The following LARS1 variants were observed in gnomAD, a reference collection of about 807,000 sequenced individuals.
LARS1 encodes leucine--tRNA ligase, cytoplasmic.
A neutral mutation model predicts 162.8 loss-of-function variants in LARS1; 100 were observed. That is an observed-to-expected ratio of 0.61 (90% CI 0.52 to 0.73). The LOEUF is 0.73. LARS1 is among the 30% of genes least tolerant of loss of function. The probability of loss-of-function intolerance (pLI) is 0.00; values close to 1 mark genes in which losing one functional copy is unlikely to be tolerated. For synonymous variants in LARS1, 457 were observed against 462.8 expected (o/e 0.99, Z 0.16); for missense variants, 1,258 against 1,408.9 (o/e 0.89, Z 1.71).
intron 6 of LARS1, among the ~76,000 whole-genome samples, chr5:146,161,557 C>T (rs1349723432): frequency 3.3e-5 from 5 of 151,960 alleles, no homozygotes; most frequent in South Asian, 2.1e-4. Context: ...GGAGAAACCC[C>T]GTCTCTACTA....
In LARS1 at chr5:146,129,099, G is replaced by T. The variant is rs778955388; in HGVS notation, c.2648C>A (p.Ala883Asp). 2.5e-6 allele frequency: 4 copies of T among 1,591,924 alleles called. No individual in the cohort carries two copies. In the East Asian group the frequency reaches 8.9e-5, roughly 36 times the overall value. Residue 883 changes from alanine (A) to aspartate (D), a missense_variant, in exon 26 of 32, where the codon GCT (alanine) becomes GAT (aspartate). Coordinates refer to ENST00000394434, the MANE Select transcript of LARS1 (RefSeq NM_020117.11). Reference sequence around the variant, plus strand: ...AACAGGACCTGCCACAGGCCATGAAGCATTCATAATTGAGTCAGGCTTTTA... The same window carrying T: ...AACAGGACCTGCCACAGGCCATGAATCATTCATAATTGAGTCAGGCTTTTA... ...LLGKPDSIMNASWPVAGPVNE... is the reference protein window; with the variant it reads ...LLGKPDSIMNDSWPVAGPVNE...
chr5:146,128,130 A>G (rs1319854296), intron 27 of LARS1, among the ~76,000 whole-genome samples: 1 of 152,160 alleles, frequency 6.6e-6, no homozygotes, highest in Non-Finnish European at 1.5e-5. Flanking sequence ...TAAGTTATTG[A>G]GTTCCCTTTA....
At chr5:146,142,339 A>C (rs1185967898) in intron 20 of LARS1, among the ~76,000 whole-genome samples, 1 of 152,226 alleles carries the variant, frequency 6.6e-6, no homozygotes, top group Non-Finnish European at 1.5e-5. Context: ...GAAAAAATGT[A>C]ATTTTATTCT....
rs769370070 is a variant in LARS1, at chr5:146,114,348, TAC to T, written c.3326-39_3326-38del. 3.9e-6 allele frequency: 6 copies of T among 1,534,580 alleles called. No individual in the cohort carries two copies. The Admixed American group carries it at 1.0e-4, about 26-fold the overall frequency. On this transcript the variant is annotated intron_variant, in intron 31 of 31. Transcript: ENST00000394434. Reference sequence around the variant, plus strand: ...TAAATTATCAATATAAGCATTTAATTACAGTCACTCAAACCCTGGAGCAGTCT... The same window carrying T: ...TAAATTATCAATATAAGCATTTAATTAGTCACTCAAACCCTGGAGCAGTCT...
chr5:146,178,406 G>A (rs955150289), intron 1 of LARS1, among the ~76,000 whole-genome samples: 8 of 152,084 alleles, frequency 5.3e-5, no homozygotes, highest in Non-Finnish European at 1.0e-4. Flanking sequence ...CTGAGGTCAG[G>A]AGTTAGAGAC....
At position 146,128,777 on chromosome 5, in the gene LARS1, A is replaced by G. The variant is rs2895647; in HGVS notation, c.2775T>C (p.Thr925=). The change falls in exon 27 of 32, where the codon ACT becomes ACC. Residue 925 remains threonine (T), a synonymous_variant. Transcript: ENST00000394434. ...AGGGCTTCTGCAGGGGTTGTTTGTC[A>G]GTCTTCTAGACGGTAAAAGAAAGGA... ...NYMMPAKGKK[T]DKQPLQKPSH... is the part of the protein sequence containing the mutation. 0.27 allele frequency: 436,031 copies of G among 1,596,880 alleles called. 63,506 individuals are homozygous for G. Among genetic ancestry groups the G allele is most frequent in the Admixed American group, 0.4 (21,570 of 53,934 alleles).
At chr5:146,159,529 T>C (rs1304875910) in intron 7 of LARS1, 59 bp from the exon 8 acceptor site, 7 of 1,321,260 alleles carry the variant, frequency 5.3e-6, no homozygotes, top group South Asian at 1.2e-5. Flanking sequence ...TATCCTACCA[T>C]ATTTGCCTGT....
rs757275221 is a variant in LARS1 at position 146,143,030 on chromosome 5, T to C, written c.1932A>G (p.Pro644=). 1 of 1,613,970 alleles carries C rather than the reference T, an allele frequency of 6.2e-7. No individual in the cohort carries two copies. Among genetic ancestry groups the C allele is most frequent in the Admixed American group, 1.7e-5 (1 of 60,004 alleles). Residue 644 remains proline (P), a synonymous_variant, in exon 20 of 32, where the codon CCA becomes CCG. Transcript: ENST00000394434. ...CCTTTGCAATCTGAGTCTTAGGAAATGGAGCCTCCTTGAAGAAAACATAAT... is the reference window on the plus strand; with the variant it reads ...CCTTTGCAATCTGAGTCTTAGGAAACGGAGCCTCCTTGAAGAAAACATAAT... The part of the protein sequence containing the change: ...VWDYVFFKEA[P]FPKTQIAKEK...
intron 30 of LARS1, 82 bp from the exon 31 acceptor site, chr5:146,120,585 A>T: frequency 1.5e-6 from 2 of 1,324,620 alleles, no homozygotes; most frequent in Non-Finnish European, 2.1e-6. Flanking sequence ...TCAATGCCCA[A>T]TGAAAGACAG....
intron 23 of LARS1, 177 bp downstream of exon 23, chr5:146,132,721 T>C: frequency 2.1e-6 from 1 of 468,982 alleles, no homozygotes; most frequent in Non-Finnish European, 3.7e-6. Context: ...AGTCAGATAA[T>C]GGACACAAAA....
At chr5:146,130,346 G>T in intron 24 of LARS1, 188 bp from the exon 25 acceptor site, 2 of 600,798 alleles carry the variant, frequency 3.3e-6, no homozygotes, top group Non-Finnish European at 2.8e-6. Flanking sequence ...GTATATGGCA[G>T]TTTTATACTA....
In LARS1 at chr5:146,164,465, C is replaced by A. The variant is rs758099004; in HGVS notation, c.439G>T (p.Ala147Ser). The A allele has an allele frequency of 2.5e-6, 4 of 1,613,538 alleles. No individual in the cohort carries two copies. Among genetic ancestry groups the A allele is most frequent in the Non-Finnish European group, 3.4e-6 (4 of 1,179,856 alleles). ...KDKAKGKKSK[A>S]AAKAGSSKYQ... is the part of the protein sequence containing the mutation. Reference sequence around the variant, plus strand: ...TTAGAAGATCCAGCTTTAGCAGCAGCTTTACTCTGAAAATAATGGAGAAAA... The same window carrying A: ...TTAGAAGATCCAGCTTTAGCAGCAGATTTACTCTGAAAATAATGGAGAAAA... Residue 147 changes from alanine (A) to serine (S), a missense_variant, in exon 6 of 32, where the codon GCT becomes TCT. Coordinates refer to ENST00000394434, the MANE Select transcript of LARS1 (RefSeq NM_020117.11).
chr5:146,164,446 G>T lies in LARS1; in HGVS notation c.458C>A (p.Ser153Tyr). The T allele has an allele frequency of 6.2e-7, 1 of 1,613,972 alleles. No homozygotes were observed. The highest frequency in any genetic ancestry group is 8.5e-7 in the Non-Finnish European group (1 of 1,179,916). The part of the protein sequence containing the change: ...KKSKAAAKAG[S>Y]SKYQWGIMKS... ...CATAATGCCCCACTGGTATTTAGAAGATCCAGCTTTAGCAGCAGCTTTACT... is the reference window on the plus strand; with the variant it reads ...CATAATGCCCCACTGGTATTTAGAATATCCAGCTTTAGCAGCAGCTTTACT... Residue 153 changes from serine to tyrosine, a missense_variant, in exon 6 of 32, where the codon TCT (serine) becomes TAT (tyrosine). Ser to Tyr is a moderately radical substitution (Grantham distance 144). Coordinates refer to ENST00000394434, the MANE Select transcript of LARS1 (RefSeq NM_020117.11).
chr5:146,175,295 C>T (rs975713589), intron 2 of LARS1, among the ~76,000 whole-genome samples: 6 of 151,796 alleles, frequency 4.0e-5, no homozygotes, highest in African/African-American at 1.5e-4. Flanking sequence ...CGTGTAATCC[C>T]AGCACTTTGG....
In LARS1 at chr5:146,157,410, A is replaced by C. The variant is rs747769972; in HGVS notation, c.1058T>G (p.Met353Arg). The change falls in exon 10 of 32, where the codon ATG becomes AGG. Residue 353 changes from methionine to arginine, a missense_variant. By Grantham distance (91) the Met-to-Arg change is moderately conservative. Transcript: ENST00000394434. ...ATCTGCTATCCAACTTACCTCCCCC[A>C]TTAATTCCTTAACAACAGGCACCAC... ...NGVVPVVKEL[M>R]GEEILGASLS... 6.2e-7 allele frequency: 1 copy of C among 1,613,702 alleles called. No individual in the cohort carries two copies. Among genetic ancestry groups the C allele is most frequent in the East Asian group, 2.2e-5 (1 of 44,886 alleles).
At chr5:146,172,661 T>C in intron 3 of LARS1, 26 bp downstream of exon 3, 1 of 1,384,404 alleles carries the variant, frequency 7.2e-7, no homozygotes, top group Middle Eastern at 1.8e-4. Context: ...TTCCTCCCCA[T>C]TATAGCAAAC....
intron 10 of LARS1, among the ~76,000 whole-genome samples, chr5:146,157,140 A>G (rs538982663): frequency 6.6e-6 from 1 of 152,220 alleles, no homozygotes; most frequent in Non-Finnish European, 1.5e-5. Flanking sequence ...AGCAGTGGTT[A>G]CCTTTGGAGG....
In LARS1 at chr5:146,140,232, T is replaced by C; in HGVS notation, c.2120A>G (p.Asn707Ser). 1 of 1,612,278 alleles carries C rather than the reference T, an allele frequency of 6.2e-7. No individual in the cohort carries two copies. Among genetic ancestry groups the C allele is most frequent in the East Asian group, 2.2e-5 (1 of 44,858 alleles). ...CTCAGAGTTCAGGAGGAGATGTCCA[T>C]TTGCTCTCACAGCTGTAGGCCATTT... ...SDKWPTAVRA[N>S]GHLLLNSEKM... The change falls in exon 21 of 32, where the codon AAT becomes AGT. Residue 707 changes from asparagine (N) to serine (S), a missense_variant. Asn to Ser is a conservative substitution (Grantham distance 46). Transcript: ENST00000394434.
chr5:146,133,897 T>C (rs1387350610), intron 22 of LARS1, among the ~76,000 whole-genome samples: 1 of 152,206 alleles, frequency 6.6e-6, no homozygotes, highest in Non-Finnish European at 1.5e-5. Context: ...CAAGATAGAA[T>C]GCAATGGCGC....
Sources: gnomAD v4.1 joint callset for allele counts (sites outside exome capture counted in the v4.1 genomes callset) on GRCh38, gnomAD v4.1.1 for gene constraint, MANE v1.5 for transcripts, NCBI Gene and HGNC (gene_info 2026-07-23, HGNC 2026-07-21) for gene names.